The following ZCCHC14 variants were observed in gnomAD, a reference collection of about 807,000 sequenced individuals.
ZCCHC14 encodes the protein zinc finger CCHC-type containing 14.
Under a neutral mutation model 85.0 loss-of-function variants are expected in ZCCHC14, and 16 were observed. The observed-to-expected ratio is 0.19, with a 90% confidence interval of 0.13 to 0.29. ZCCHC14 has a LOEUF of 0.29. Among genes scored for constraint, ZCCHC14 ranks in the 10% least tolerant of loss-of-function variants. ZCCHC14 has a pLI of 1.00. For synonymous variants in ZCCHC14, 775 were observed against 630.7 expected, an observed-to-expected ratio of 1.23 and a Z score of -3.43; for missense variants, 1,303 against 1,443.5, an observed-to-expected ratio of 0.90 and a Z score of 1.58.
chr16:87,485,105 C>T (rs1050129624), intron 1 of ZCCHC14, among the ~76,000 whole-genome samples: 8 of 152,192 alleles, frequency 5.3e-5, no homozygotes, highest in African/African-American at 1.9e-4. Context: ...TAGTGAATGG[C>T]GGGCGGGGTC....
chr16:87,467,569 T>A, intron 1 of ZCCHC14: 2 of 1,554,666 alleles, frequency 1.3e-6, no homozygotes, highest in Non-Finnish European at 1.8e-6. Context: ...CCAATTCCCG[T>A]TGGTTCTGAA....
intron 2 of ZCCHC14, among the ~76,000 whole-genome samples, chr16:87,453,685 T>C (rs534001334): frequency 2.0e-5 from 3 of 152,336 alleles, no homozygotes; most frequent in South Asian, 2.1e-4. Context: ...CAATATTCCC[T>C]GTTGCAAGAG....
intron 1 of ZCCHC14, among the ~76,000 whole-genome samples, chr16:87,489,420 CTA>C (rs1912651838): frequency 1.3e-5 from 2 of 152,210 alleles, no homozygotes; most frequent in East Asian, 3.8e-4. Context: ...ATAATTCAAT[CTA>C]TAAAACATGC....
At chr16:87,469,923 C>T (rs1002105717) in intron 1 of ZCCHC14, among the ~76,000 whole-genome samples, 12 of 152,186 alleles carry the variant, frequency 7.9e-5, no homozygotes, top group Non-Finnish European at 1.2e-4. Context: ...GACTTTACCA[C>T]GACATGTGAT....
At chr16:87,479,561 T>C (rs932850946) in intron 1 of ZCCHC14, among the ~76,000 whole-genome samples, 8 of 152,206 alleles carry the variant, frequency 5.3e-5, no homozygotes, top group Non-Finnish European at 2.9e-5. Context: ...GTTGAAAGTA[T>C]AAAAGAAATA....
intron 1 of ZCCHC14, among the ~76,000 whole-genome samples, chr16:87,483,463 C>A (rs1912379826): frequency 6.6e-6 from 1 of 151,718 alleles, no homozygotes; most frequent in South Asian, 2.1e-4. Flanking sequence ...TGCACTCCAG[C>A]CTGGGTGACA....
In ZCCHC14 at chr16:87,491,391, G is replaced by C. The variant is rs1912759645; in HGVS notation, c.570+278C>G. ...AGTGCGGGCTTAGGATGGGGGCTTG[G>C]GATGTACGGCGGAGGCTTGGGATGT... is the stretch of plus-strand genomic sequence containing the variant. On this transcript the variant is annotated intron_variant, in intron 1 of 12. Coordinates refer to ENST00000671377, the MANE Select transcript of ZCCHC14 (RefSeq NM_015144.3). The surrounding 1 kb of genome is among the most constrained non-coding windows in gnomAD (Gnocchi z 5.9). Among the ~76,000 whole-genome samples, 10 of 144,940 alleles carry C rather than the reference G, an allele frequency of 6.9e-5. No individual in the cohort carries two copies. The South Asian group carries it at 2.1e-3, about 30-fold the overall frequency.
intron 1 of ZCCHC14, among the ~76,000 whole-genome samples, chr16:87,490,427 TCA>T (rs1005746042): frequency 4.6e-5 from 7 of 152,334 alleles, no homozygotes; most frequent in Admixed American, 4.6e-4. Flanking sequence ...TAAATACACA[TCA>T]CACCAGGTCA....
At chr16:87,469,111 C>T (rs1911665235) in intron 1 of ZCCHC14, among the ~76,000 whole-genome samples, 1 of 152,140 alleles carries the variant, frequency 6.6e-6, no homozygotes, top group Non-Finnish European at 1.5e-5. Context: ...GAGACATGGT[C>T]TATGTTGCCC....
At chr16:87,456,465 G>A (rs1187075063) in intron 2 of ZCCHC14, among the ~76,000 whole-genome samples, 10 of 143,138 alleles carry the variant, frequency 7.0e-5, no homozygotes, top group Non-Finnish European at 1.4e-4. Context: ...CCCGGGAGGC[G>A]GAGGTTGCAG....
chr16:87,431,899 G>A (rs1460097349), intron 3 of ZCCHC14, among the ~76,000 whole-genome samples: 3 of 152,280 alleles, frequency 2.0e-5, no homozygotes, highest in East Asian at 1.9e-4. Context: ...CTCCGTGGGC[G>A]CCGAGACTCC....
rs746717551 is a variant in ZCCHC14, at chr16:87,412,413, C to A, written c.2308G>T (p.Ala770Ser). 3 of 1,614,024 alleles carry A rather than the reference C, an allele frequency of 1.9e-6. No homozygotes were observed. Among genetic ancestry groups the A allele is most frequent in the African/African-American group, 2.7e-5 (2 of 74,934 alleles). ...TGTPSTVLHA[A>S]RPPIKLLLSS... Reference sequence around the variant, plus strand: ...AGCAGCAGTTTGATGGGCGGACGGGCGGCGTGGAGGACTGTGCTGGGCGTC... The same window carrying A: ...AGCAGCAGTTTGATGGGCGGACGGGAGGCGTGGAGGACTGTGCTGGGCGTC... The change falls in exon 12 of 13, where the codon GCC becomes TCC. Residue 770 changes from alanine (A) to serine (S), a missense_variant. Ala to Ser is a moderately conservative substitution (Grantham distance 99). This residue lies in a region of ZCCHC14 where 797 missense variants were observed against 730.8 expected (regional missense o/e 1.09). Coordinates refer to ENST00000671377, the MANE Select transcript of ZCCHC14 (RefSeq NM_015144.3).
chr16:87,441,762 T>C (rs1404895759), intron 2 of ZCCHC14, among the ~76,000 whole-genome samples: 1 of 152,258 alleles, frequency 6.6e-6, no homozygotes, highest in African/African-American at 2.4e-5. Context: ...TTGTTACAGC[T>C]TTCCTCTTAC....
At chr16:87,445,003 C>G (rs574671081) in intron 2 of ZCCHC14, among the ~76,000 whole-genome samples, 1 of 152,092 alleles carries the variant, frequency 6.6e-6, no homozygotes, top group South Asian at 2.1e-4. Context: ...CCCAATGTTT[C>G]AGGAAAGTTC....
chr16:87,441,869 G>A (rs777432151), intron 2 of ZCCHC14, among the ~76,000 whole-genome samples: 1 of 152,220 alleles, frequency 6.6e-6, no homozygotes, highest in South Asian at 2.1e-4. Flanking sequence ...AGACGGAGCA[G>A]CAACGAAAGC....
At chr16:87,464,744 C>T (rs1334082770) in intron 1 of ZCCHC14, among the ~76,000 whole-genome samples, 1 of 152,196 alleles carries the variant, frequency 6.6e-6, no homozygotes, top group Non-Finnish European at 1.5e-5. Flanking sequence ...TAACTTTGTT[C>T]CTTTGTTTAC....
chr16:87,467,220 A>C, intron 1 of ZCCHC14: 1 of 1,547,984 alleles, frequency 6.5e-7, no homozygotes, highest in Non-Finnish European at 8.9e-7. Context: ...GGAAACTCGA[A>C]TGAGGACTGC....
At chr16:87,417,400 A>G in intron 8 of ZCCHC14, 60 bp downstream of exon 8, 1 of 1,578,290 alleles carries the variant, frequency 6.3e-7, no homozygotes, top group Non-Finnish European at 8.6e-7. Flanking sequence ...CAATGCCCCC[A>G]GGGAGGTCTT....
chr16:87,443,572 C>T (rs1327459236), intron 2 of ZCCHC14, among the ~76,000 whole-genome samples: 1 of 151,942 alleles, frequency 6.6e-6, no homozygotes, highest in East Asian at 1.9e-4. Context: ...CCCATTTCTA[C>T]TAAAAATTTA....
Sources: allele counts gnomAD v4.1 joint callset (sites outside exome capture counted in the v4.1 genomes callset), GRCh38; gene constraint gnomAD v4.1.1; regional missense constraint gnomAD v4.1.1; non-coding constraint Gnocchi (gnomAD v3.1); transcripts MANE v1.5; gene names NCBI Gene and HGNC (gene_info 2026-07-23, HGNC 2026-07-21).